C16orf89: variants seen among roughly 807,000 people sequenced by gnomAD.
The protein encoded by C16orf89 is chromosome 16 open reading frame 89.
In C16orf89, 57 loss-of-function variants were observed where a neutral mutation model predicts 41.5. The observed-to-expected ratio is 1.38, with a 90% CI of 1.11 to 1.71. The LOEUF is 1.71. Among genes scored for constraint, C16orf89 ranks in the 40% most tolerant of loss-of-function variants. C16orf89 has a pLI of 0.00. For synonymous variants in C16orf89, 223 were observed against 190.6 expected (o/e 1.17, Z -1.40); for missense variants, 575 against 445.9 (o/e 1.29, Z -2.61).
At chr16:5,061,691 T>G (rs72773732) in intron 2 of C16orf89, among the ~76,000 whole-genome samples, 1 of 152,050 alleles carries the variant, frequency 6.6e-6, no homozygotes, top group Non-Finnish European at 1.5e-5. Flanking sequence ...GACCTTAAAA[T>G]TGGAAAGGTC....
Position 5,047,068 on chromosome 16 carries a change from T to C in C16orf89, c.955+810A>G, listed in dbSNP as rs554573010. On this transcript the variant is annotated intron_variant, in intron 7 of 7. Coordinates refer to ENST00000472572, the MANE Select transcript of C16orf89 (RefSeq NM_001098514.3). ...CCCCTCCAAACTACATTTCCCAGGATGTCTTGCCTACTGGTTTCGACCAAC... is the reference window on the plus strand; with the variant it reads ...CCCCTCCAAACTACATTTCCCAGGACGTCTTGCCTACTGGTTTCGACCAAC... Among the ~76,000 whole-genome samples the C allele has an allele frequency of 9.2e-5, 14 of 152,264 alleles. No homozygotes were observed. In the South Asian group the frequency reaches 2.3e-3, roughly 25 times the overall value.
chr16:5,047,158 C>G (rs1317513243), intron 7 of C16orf89, among the ~76,000 whole-genome samples: 1 of 152,184 alleles, frequency 6.6e-6, no homozygotes, highest in Non-Finnish European at 1.5e-5. Flanking sequence ...CTGTCTCCCC[C>G]TTGTTCAGCC....
At position 5,056,186 on chromosome 16, in the gene C16orf89, C is replaced by A; in HGVS notation, c.630G>T (p.Arg210Ser). Residue 210 changes from arginine (R) to serine (S), a missense_variant and splice_region_variant, in exon 5 of 8, where the codon AGG becomes AGT. By Grantham distance (110) the Arg-to-Ser change is moderately radical. Transcript: ENST00000472572. ...QLLFFLWARM[R>S]GCTQGPLQQS... ...GTTGGAGTGGTCCCTGTGTGCACCC[C>A]CTCTGGGGAGACAAACACCCAAAGA... The A allele has an allele frequency of 1.9e-6, 3 of 1,584,038 alleles. No individual in the cohort carries two copies. Among genetic ancestry groups the A allele is most frequent in the South Asian group, 2.2e-5 (2 of 90,212 alleles).
intron 6 of C16orf89, among the ~76,000 whole-genome samples, chr16:5,052,268 A>G (rs894342839): frequency 4.6e-5 from 7 of 152,282 alleles, no homozygotes; most frequent in African/African-American, 1.7e-4. Flanking sequence ...ATAGCATCTC[A>G]CACCTGTTAA....
rs1409292699 is a variant in C16orf89, at chr16:5,065,195, C to A, written c.208+506G>T. On this transcript the variant is annotated intron_variant, in intron 1 of 7. Coordinates refer to ENST00000472572, the MANE Select transcript of C16orf89 (RefSeq NM_001098514.3). ...TGTGTTTACCTTGGCCTGTCTCCAG[C>A]CCCCTTCTTGGGGATCTTATAGCTC... Among the ~76,000 whole-genome samples the A allele has an allele frequency of 3.3e-5, 5 of 152,316 alleles. No homozygotes were observed. The East Asian group carries it at 9.7e-4, about 29-fold the overall frequency.
intron 6 of C16orf89, among the ~76,000 whole-genome samples, chr16:5,051,005 C>G (rs529755798): frequency 6.6e-6 from 1 of 152,142 alleles, no homozygotes; most frequent in South Asian, 2.1e-4. Flanking sequence ...ATTTAACATC[C>G]CTTCATGATA....
At chr16:5,055,414 A>G (rs1596694096) in intron 5 of C16orf89, 64 bp from the exon 6 acceptor site, 2 of 1,414,040 alleles carry the variant, frequency 1.4e-6, no homozygotes, top group South Asian at 1.2e-5. Context: ...CCCACTCCCC[A>G]GGGCTGCCAC....
intron 3 of C16orf89, 195 bp downstream of exon 3, chr16:5,060,091 C>T (rs1039522087): frequency 1.8e-6 from 1 of 541,030 alleles, no homozygotes; most frequent in Non-Finnish European, 3.0e-6. Context: ...GCATGGGAGG[C>T]CAGCGGGCGG....
chr16:5,056,859 A>C (rs1469381110), intron 4 of C16orf89, among the ~76,000 whole-genome samples: 1 of 152,242 alleles, frequency 6.6e-6, no homozygotes, highest in African/African-American at 2.4e-5. Flanking sequence ...GAACAAAAAC[A>C]GAGAGTGTCT....
chr16:5,056,151 T>G lies in C16orf89; in HGVS notation c.665A>C (p.Asp222Ala), dbSNP rs1402456289. ...GTTGGCGCAGAAGAGGTTGATATAG[T>G]CCTGGCTCTGTTGGAGTGGTCCCTG... ...CTQGPLQQSQ[D>A]YINLFCANMM... Residue 222 changes from aspartate (D) to alanine (A), a missense_variant, in exon 5 of 8, where the codon GAC becomes GCC. By Grantham distance (126) the Asp-to-Ala change is moderately radical. Transcript: ENST00000472572. 1.3e-5 allele frequency: 21 copies of G among 1,595,236 alleles called. No individual in the cohort carries two copies. Among genetic ancestry groups the G allele is most frequent in the Non-Finnish European group, 1.8e-5 (21 of 1,164,126 alleles).
In C16orf89 at chr16:5,044,275, C is replaced by T. The variant is rs984133466; in HGVS notation, c.*73G>A. ...CTTCTTCCCAGGATGTGATCCGTGC[C>T]CTCCAGGATCTAAGGGATGAGGACT... On this transcript the variant is annotated 3_prime_UTR_variant, in exon 8 of 8. Transcript: ENST00000472572. 2.0e-6 allele frequency: 3 copies of T among 1,489,476 alleles called. No individual in the cohort carries two copies. Among genetic ancestry groups the T allele is most frequent in the Admixed American group, 2.4e-5 (1 of 41,374 alleles). 92.3% of individuals were successfully genotyped at this position (1,489,476 alleles called of 1,614,324 possible). A position where few individuals can be genotyped will look rare whatever the true frequency, so the allele number is the denominator to read the frequency against.
rs757610113 is a variant in C16orf89, at chr16:5,060,275, G to T, written c.509+11C>A. On this transcript the variant is annotated intron_variant, in intron 3 of 7. Transcript: ENST00000472572. ...TGGGTTTCCAGCAAATAGGGCAAGT[G>T]CAGGGCCCACCCGGTTCCCAGCAGC... is the stretch of plus-strand genomic sequence containing the variant. 23 of 1,601,062 alleles carry T rather than the reference G, an allele frequency of 1.4e-5. No homozygotes were observed. Among genetic ancestry groups the T allele is most frequent in the Non-Finnish European group, 1.9e-5 (22 of 1,172,746 alleles).
intron 6 of C16orf89, among the ~76,000 whole-genome samples, chr16:5,049,057 G>C (rs1433103942): frequency 1.3e-5 from 2 of 152,200 alleles, no homozygotes; most frequent in African/African-American, 4.8e-5. Context: ...CCAGAAGGAA[G>C]AAGGAGTAGC....
In C16orf89 at chr16:5,060,329, C is replaced by CT. The variant is rs758155615; in HGVS notation, c.465dup (p.Glu156ArgfsTer5). The stretch of plus-strand genomic sequence containing the variant: ...ACCAGGCACACGTCACTTCTCTCCT[C>CT]TGAGAATGAGTCCTGGGGCCCGAAC... On this transcript the variant is annotated frameshift_variant, in exon 3 of 8. Transcript: ENST00000472572. LOFTEE classifies it high-confidence loss of function. 1 of 1,613,106 alleles carries CT rather than the reference C, an allele frequency of 6.2e-7. No individual in the cohort carries two copies. Among genetic ancestry groups the CT allele is most frequent in the South Asian group, 1.1e-5 (1 of 90,990 alleles).
chr16:5,055,802 T>C (rs1382133415), intron 5 of C16orf89: 6 of 1,446,538 alleles, frequency 4.1e-6, no homozygotes, highest in Non-Finnish European at 5.6e-6. Flanking sequence ...CGATAAACAA[T>C]GAATATAATT....
At chr16:5,048,083 A>C in intron 6 of C16orf89, 119 bp from the exon 7 acceptor site, 1 of 642,926 alleles carries the variant, frequency 1.6e-6, no homozygotes. Context: ...GGCTGGGTGC[A>C]GTAACGCAAT....
At position 5,058,525 on chromosome 16, in the gene C16orf89, G is replaced by C. The variant is rs1335469074; in HGVS notation, c.595C>G (p.His199Asp). ...KPGCSGYCLS[H>D]QLLFFLWARM... The stretch of plus-strand genomic sequence containing the variant: ...GCCCAGAGGAAGAAGAGCAGTTGGT[G>C]GGACAGGCAGTAGCCTGAGCAGCCG... The change falls in exon 4 of 8, where the codon CAC becomes GAC. Residue 199 changes from histidine (H) to aspartate (D), a missense_variant. Coordinates refer to ENST00000472572, the MANE Select transcript of C16orf89 (RefSeq NM_001098514.3). 6.2e-7 allele frequency: 1 copy of C among 1,612,014 alleles called. No homozygotes were observed. The highest frequency in any genetic ancestry group is 8.5e-7 in the Non-Finnish European group (1 of 1,179,320).
In C16orf89 at chr16:5,065,817, CT is replaced by C; in HGVS notation, c.91del (p.Ser31ValfsTer8). 6.2e-7 allele frequency: 1 copy of C among 1,614,216 alleles called. No homozygotes were observed. Reference protein sequence around the residue: ...SSLPGLDTAESKATIADLILS... With the variant: ...SSLPGLDTAEXKATIADLILS... ...GATCAGGTCTGCAATGGTGGCTTTACTTTCAGCAGTGTCCAGCCCAGGCAGT... is the reference window on the plus strand; with the variant it reads ...GATCAGGTCTGCAATGGTGGCTTTACTTCAGCAGTGTCCAGCCCAGGCAGT... On this transcript the variant is annotated frameshift_variant, in exon 1 of 8. Transcript: ENST00000472572. LOFTEE classifies it high-confidence loss of function.
At chr16:5,051,964 A>C (rs943663730) in intron 6 of C16orf89, among the ~76,000 whole-genome samples, 3 of 151,840 alleles carry the variant, frequency 2.0e-5, no homozygotes, top group African/African-American at 4.8e-5. Flanking sequence ...GCCGGGCATG[A>C]TGGTGGTGGG....
Sources: gnomAD v4.1 joint callset for allele counts (sites outside exome capture counted in the v4.1 genomes callset) on GRCh38, gnomAD v4.1.1 for gene constraint, MANE v1.5 for transcripts, NCBI Gene and HGNC (gene_info 2026-07-23, HGNC 2026-07-21) for gene names.